GABPB2: variants seen among roughly 807,000 people sequenced by gnomAD.
GABPB2 encodes the protein GA binding protein transcription factor subunit beta 2.
GABPB2 carries 23 observed loss-of-function variants against 39.1 expected under a neutral mutation model. That is an observed-to-expected ratio of 0.59 (90% CI 0.42 to 0.83). The LOEUF (loss-of-function observed/expected upper bound fraction) is 0.83, where lower values mean the gene tolerates loss of function less well. GABPB2 is among the 40% of genes least tolerant of loss of function. The probability of loss-of-function intolerance (pLI) is 0.00; values close to 1 mark genes in which losing one functional copy is unlikely to be tolerated. For missense variants in GABPB2, 467 were observed against 541.1 expected (o/e 0.86, Z 1.36); for synonymous variants, 184 against 199.3 (o/e 0.92, Z 0.65).
chr1:151,080,416 CAGG>C (rs1677569408), intron 1 of GABPB2, among the ~76,000 whole-genome samples: 1 of 145,870 alleles, frequency 6.9e-6, no homozygotes, highest in Non-Finnish European at 1.5e-5. Flanking sequence ...GAGGCTGAGG[CAGG>C]AGAATCGCTT....
At chr1:151,088,827 C>G (rs375008115) in intron 2 of GABPB2, among the ~76,000 whole-genome samples, 1 of 151,990 alleles carries the variant, frequency 6.6e-6, no homozygotes, top group African/African-American at 2.4e-5. Flanking sequence ...TGGTGAAACC[C>G]GTTTCTACTA....
chr1:151,088,979 A>C (rs1163261781), intron 2 of GABPB2, among the ~76,000 whole-genome samples: 2 of 117,858 alleles, frequency 1.7e-5, no homozygotes, highest in African/African-American at 5.2e-5. Flanking sequence ...CAGCTTGGAA[A>C]CTCTGTTTCA....
chr1:151,106,185 C>T (rs1323235693), intron 6 of GABPB2, among the ~76,000 whole-genome samples: 2 of 151,826 alleles, frequency 1.3e-5, no homozygotes, highest in Non-Finnish European at 2.9e-5. Flanking sequence ...TGGTCTCGAA[C>T]CCCTGACCTC....
intron 7 of GABPB2, 63 bp downstream of exon 7, chr1:151,107,285 A>G: frequency 9.1e-7 from 1 of 1,101,636 alleles, no homozygotes; most frequent in Non-Finnish European, 1.2e-6. Flanking sequence ...ATACTCACCT[A>G]AAAATGAGGC....
chr1:151,090,239 T>C (rs1278863546), intron 2 of GABPB2, among the ~76,000 whole-genome samples, 167 bp from the exon 3 acceptor site: 1 of 152,180 alleles, frequency 6.6e-6, no homozygotes, highest in East Asian at 1.9e-4. Context: ...CCAGTGCACC[T>C]GGCCCCTGGC....
chr1:151,077,843 TC>T (rs2102996026), intron 1 of GABPB2, among the ~76,000 whole-genome samples: 1 of 151,260 alleles, frequency 6.6e-6, no homozygotes, highest in South Asian at 2.1e-4. Flanking sequence ...TCCTAGCTAT[TC>T]AGAAGGCTGA....
intron 7 of GABPB2, among the ~76,000 whole-genome samples, chr1:151,117,048 C>T (rs928752377): frequency 1.3e-5 from 2 of 152,200 alleles, no homozygotes; most frequent in Non-Finnish European, 2.9e-5. Context: ...GAGCCATTCT[C>T]AGTGCTCTAT....
intron 1 of GABPB2, among the ~76,000 whole-genome samples, chr1:151,071,821 G>T (rs1027806258): frequency 7.9e-5 from 12 of 152,182 alleles, no homozygotes; most frequent in Admixed American, 6.6e-5. Flanking sequence ...GCCCAGTGGG[G>T]ACTTGAGCAA....
intron 3 of GABPB2, among the ~76,000 whole-genome samples, chr1:151,091,434 C>T (rs1375087632): frequency 8.6e-6 from 1 of 115,984 alleles, no homozygotes; most frequent in Non-Finnish European, 1.7e-5. Flanking sequence ...GATGAACTCT[C>T]AGCTGGGTGC....
At chr1:151,105,991 C>T (rs1343922765) in intron 6 of GABPB2, among the ~76,000 whole-genome samples, 2 of 146,878 alleles carry the variant, frequency 1.4e-5, no homozygotes, top group Admixed American at 6.8e-5. Context: ...GATGGAATCT[C>T]GCTCTTGTCA....
At position 151,119,994 on chromosome 1, in the gene GABPB2, T is replaced by G. The variant is rs1681122791; in HGVS notation, c.*1738T>G. 1.3e-5 allele frequency: 2 copies of G among 151,516 alleles called. No homozygotes were observed. The highest frequency in any genetic ancestry group is 4.9e-5 in the African/African-American group (2 of 41,194). The allele number at this position is 151,516 out of a possible 1,614,324, so 9.4% of individuals were successfully genotyped here. On this transcript the variant is annotated 3_prime_UTR_variant, in exon 9 of 9. Coordinates refer to ENST00000368918, the MANE Select transcript of GABPB2 (RefSeq NM_144618.3). Reference sequence around the variant, plus strand: ...GGAAAGCCGAGGCGAGCGGATCACCTGAGGCCAGGAGTTCCAGACCAGCCT... The same window carrying G: ...GGAAAGCCGAGGCGAGCGGATCACCGGAGGCCAGGAGTTCCAGACCAGCCT...
intron 1 of GABPB2, among the ~76,000 whole-genome samples, chr1:151,073,821 G>A (rs1272932221): frequency 6.6e-6 from 1 of 151,744 alleles, no homozygotes; most frequent in African/African-American, 2.4e-5. Flanking sequence ...TTGGGAGGCT[G>A]AGGCAGGAGA....
At chr1:151,094,498 T>G (rs1678960085) in intron 4 of GABPB2, among the ~76,000 whole-genome samples, 1 of 149,008 alleles carries the variant, frequency 6.7e-6, no homozygotes, top group Non-Finnish European at 1.5e-5. Context: ...TACAGGCACC[T>G]GCCATCATGC....
chr1:151,078,880 C>T lies in GABPB2; in HGVS notation c.-1+7946C>T, dbSNP rs190508689. On this transcript the variant is annotated intron_variant, in intron 1 of 8. Coordinates refer to ENST00000368918, the MANE Select transcript of GABPB2 (RefSeq NM_144618.3). The stretch of plus-strand genomic sequence containing the variant: ...AGGGGCGGGATTTCACCATGTTGGC[C>T]AGGCTGGTCTCCAACTCCTGCCCTC... Among the ~76,000 whole-genome samples the T allele has an allele frequency of 8.0e-3, 1,215 of 151,830 alleles. 10 individuals carry two copies. Among genetic ancestry groups the T allele is most frequent in the Admixed American group, 0.01 (158 of 15,186 alleles).
intron 1 of GABPB2, among the ~76,000 whole-genome samples, chr1:151,076,266 C>T (rs1677162951): frequency 6.6e-6 from 1 of 152,100 alleles, no homozygotes; most frequent in South Asian, 2.1e-4. Context: ...TAGCTGATTC[C>T]AGTATGTGCC....
At position 151,072,571 on chromosome 1, in the gene GABPB2, C is replaced by T. The variant is rs587626901; in HGVS notation, c.-1+1637C>T. ...CTCTTTAAAAAACAAACAGGCCGGG[C>T]GTGGTGGCTCTGGCCTGTAATCCCA... On this transcript the variant is annotated intron_variant, in intron 1 of 8. Transcript: ENST00000368918. Among the ~76,000 whole-genome samples, 4 of 152,124 alleles carry T rather than the reference C, an allele frequency of 2.6e-5. No individual in the cohort carries two copies. In the East Asian group the frequency reaches 5.8e-4, roughly 22 times the overall value.
Position 151,097,873 on chromosome 1 carries a change from A to G in GABPB2, c.493A>G (p.Asn165Asp). 6.2e-7 allele frequency: 1 copy of G among 1,614,036 alleles called. No homozygotes were observed. Among genetic ancestry groups the G allele is most frequent in the Non-Finnish European group, 8.5e-7 (1 of 1,179,952 alleles). Residue 165 changes from asparagine to aspartate, a missense_variant, in exon 5 of 9, where the codon AAT becomes GAT. By Grantham distance (23) the Asn-to-Asp change is conservative. Transcript: ENST00000368918. ...ATAGGAAGCAATGCAGAATCAGGTG[A>G]ATGTTAATCCAGAGAGAGCCAACCC... is the stretch of plus-strand genomic sequence containing the variant. ...ILQEAMQNQVNVNPERANPVT... is the reference protein window; with the variant it reads ...ILQEAMQNQVDVNPERANPVT...
chr1:151,101,808 T>C (rs1302181202), intron 5 of GABPB2, among the ~76,000 whole-genome samples: 1 of 152,122 alleles, frequency 6.6e-6, no homozygotes, highest in African/African-American at 2.4e-5. Flanking sequence ...GTGAAAGAAA[T>C]AGAGAAATAT....
chr1:151,104,599 G>T (rs968128629), intron 6 of GABPB2, among the ~76,000 whole-genome samples: 17 of 152,138 alleles, frequency 1.1e-4, no homozygotes, highest in African/African-American at 3.9e-4. Context: ...TCTTTGGCAT[G>T]ATGGTTGGAT....
Sources: gnomAD v4.1 joint callset for allele counts (sites outside exome capture counted in the v4.1 genomes callset) on GRCh38, gnomAD v4.1.1 for gene constraint, MANE v1.5 for transcripts, NCBI Gene and HGNC (gene_info 2026-07-23, HGNC 2026-07-21) for gene names.